GALNTL6: variants seen among roughly 807,000 people sequenced by gnomAD.
GALNTL6 encodes polypeptide N-acetylgalactosaminyltransferase like 6, also known as polypeptide N-acetylgalactosaminyltransferase-like 6.
In GALNTL6, 46 loss-of-function variants were observed where a neutral mutation model predicts 73.7. That is an observed-to-expected ratio of 0.62 (90% CI 0.49 to 0.80). GALNTL6 has a LOEUF of 0.80. Among genes scored for constraint, GALNTL6 ranks in the 30% least tolerant of loss-of-function variants. GALNTL6 has a pLI of 0.00. For missense variants in GALNTL6, 604 were observed against 755.0 expected (o/e 0.80, Z 2.34); for synonymous variants, 259 against 263.7 (o/e 0.98, Z 0.17).
chr4:172,857,846 G>A (rs533902840), intron 7 of GALNTL6, among the ~76,000 whole-genome samples: 1 of 152,248 alleles, frequency 6.6e-6, no homozygotes, highest in East Asian at 1.9e-4. Flanking sequence ...GAAGGAAATG[G>A]CTCTTTGCTG....
intron 10 of GALNTL6, among the ~76,000 whole-genome samples, chr4:172,955,541 T>C (rs1372422627): frequency 6.6e-6 from 1 of 152,206 alleles, no homozygotes; most frequent in African/African-American, 2.4e-5. Context: ...AAAAAAGACT[T>C]TCAAAATGTT....
chr4:172,195,131 A>G (rs1376264307), intron 2 of GALNTL6, among the ~76,000 whole-genome samples: 2 of 152,208 alleles, frequency 1.3e-5, no homozygotes, highest in South Asian at 2.1e-4. Flanking sequence ...AAGCCAAAAA[A>G]GCATGGGCTG....
intron 5 of GALNTL6, among the ~76,000 whole-genome samples, chr4:172,460,408 G>T (rs1296143884): frequency 6.6e-6 from 1 of 152,100 alleles, no homozygotes; most frequent in Admixed American, 6.5e-5. Context: ...CACAACAAAA[G>T]AAATGATCAT....
intron 2 of GALNTL6, among the ~76,000 whole-genome samples, chr4:171,854,551 A>G (rs1735629963): frequency 6.6e-6 from 1 of 152,222 alleles, no homozygotes; most frequent in Non-Finnish European, 1.5e-5. Flanking sequence ...AGTGAGAGGT[A>G]CTTGGATAAC....
At chr4:172,656,881 A>G (rs182196163) in intron 5 of GALNTL6, among the ~76,000 whole-genome samples, 13 of 152,372 alleles carry the variant, frequency 8.5e-5, no homozygotes, top group Admixed American at 7.8e-4. Context: ...TTGTAGGAGC[A>G]GATATATCTA....
chr4:172,803,376 A>AT (rs947229970), intron 5 of GALNTL6, among the ~76,000 whole-genome samples: 10 of 152,138 alleles, frequency 6.6e-5, no homozygotes, highest in African/African-American at 2.2e-4. Context: ...AGGGATCTAG[A>AT]TTTTGCGCTC....
chr4:171,986,398 G>A (rs886555392), intron 2 of GALNTL6, among the ~76,000 whole-genome samples: 3 of 152,130 alleles, frequency 2.0e-5, no homozygotes, highest in South Asian at 2.1e-4. Flanking sequence ...GCAGGAACCC[G>A]CCATCTGGAT....
chr4:172,303,782 A>G (rs1332878059), intron 3 of GALNTL6, among the ~76,000 whole-genome samples: 3 of 152,106 alleles, frequency 2.0e-5, no homozygotes, highest in East Asian at 3.9e-4. Context: ...TGTTTATCTT[A>G]CATATATGCT....
chr4:171,852,945 C>T (rs1346002347), intron 2 of GALNTL6, among the ~76,000 whole-genome samples: 1 of 151,704 alleles, frequency 6.6e-6, no homozygotes, highest in African/African-American at 2.4e-5. Flanking sequence ...CTCCTGGGTT[C>T]ACGCCGTTCG....
chr4:172,826,883 G>T (rs970106726), intron 7 of GALNTL6, among the ~76,000 whole-genome samples: 12 of 152,284 alleles, frequency 7.9e-5, no homozygotes, highest in African/African-American at 2.9e-4. Context: ...ACTCCATGCC[G>T]GGATTGTTTT....
At chr4:172,537,860 A>G (rs1735403452) in intron 5 of GALNTL6, among the ~76,000 whole-genome samples, 1 of 152,226 alleles carries the variant, frequency 6.6e-6, no homozygotes, top group Non-Finnish European at 1.5e-5. Context: ...GTAATCAGGC[A>G]TAAGCGATAA....
In GALNTL6 at chr4:172,894,341, T is replaced by C. The variant is rs533563922; in HGVS notation, c.1041+11434T>C. ...TTTTATGTAGGCATTTATTGCTATA[T>C]AAACTTCCCTCTTAGTACTGCTTTT... On this transcript the variant is annotated intron_variant, in intron 8 of 12. Transcript: ENST00000506823. Among the ~76,000 whole-genome samples, 256 of 152,360 alleles carry C rather than the reference T, an allele frequency of 1.7e-3. 1 individual carries two copies. Among genetic ancestry groups the C allele is most frequent in the African/African-American group, 6.1e-3 (252 of 41,588 alleles).
At chr4:172,796,248 T>G (rs1416810840) in intron 5 of GALNTL6, among the ~76,000 whole-genome samples, 8 of 152,184 alleles carry the variant, frequency 5.3e-5, no homozygotes, top group East Asian at 3.8e-4. Flanking sequence ...GGTTTGGTTT[T>G]GTTTTGTTTA....
At chr4:172,977,432 C>A (rs1038945180) in intron 10 of GALNTL6, among the ~76,000 whole-genome samples, 10 of 152,192 alleles carry the variant, frequency 6.6e-5, no homozygotes, top group African/African-American at 2.2e-4. Flanking sequence ...CTGAGTGGAT[C>A]ATTGTGGAGT....
chr4:172,727,378 A>G (rs1434133761), intron 5 of GALNTL6, among the ~76,000 whole-genome samples: 1 of 152,274 alleles, frequency 6.6e-6, no homozygotes, highest in Non-Finnish European at 1.5e-5. Flanking sequence ...CTCACAAACT[A>G]TAAACGAATT....
chr4:171,859,434 G>A (rs935479253), intron 2 of GALNTL6, among the ~76,000 whole-genome samples: 1 of 151,926 alleles, frequency 6.6e-6, no homozygotes, highest in Non-Finnish European at 1.5e-5. Context: ...ATGTCCCCTT[G>A]AGTCCCTTCA....
At chr4:172,456,455 A>G (rs562102613) in intron 5 of GALNTL6, among the ~76,000 whole-genome samples, 1 of 152,128 alleles carries the variant, frequency 6.6e-6, no homozygotes, top group Non-Finnish European at 1.5e-5. Context: ...AAACCTTGAA[A>G]AAAAGTTACA....
intron 2 of GALNTL6, among the ~76,000 whole-genome samples, chr4:171,925,686 A>G (rs1214211229): frequency 2.6e-5 from 4 of 152,128 alleles, no homozygotes; most frequent in Non-Finnish European, 5.9e-5. Context: ...CTTTTCTAGC[A>G]ATCTTTAATT....
chr4:172,113,424 G>A (rs1008705409), intron 2 of GALNTL6, among the ~76,000 whole-genome samples: 1 of 151,920 alleles, frequency 6.6e-6, no homozygotes, highest in African/African-American at 2.4e-5. Flanking sequence ...TAGTATTAGA[G>A]AAAAATAGTT....
Sources: allele counts gnomAD v4.1 joint callset (sites outside exome capture counted in the v4.1 genomes callset), GRCh38; gene constraint gnomAD v4.1.1; transcripts MANE v1.5; gene names NCBI Gene and HGNC (gene_info 2026-07-23, HGNC 2026-07-21).